OGDH: variants seen among roughly 807,000 people sequenced by gnomAD.
The protein encoded by OGDH is oxoglutarate dehydrogenase, also known as 2-oxoglutarate dehydrogenase complex component E1.
Under a neutral mutation model 116.6 loss-of-function variants are expected in OGDH, and 38 were observed. That is an observed-to-expected ratio of 0.33 (90% CI 0.25 to 0.43). OGDH has a LOEUF of 0.43. OGDH is among the 20% of genes least tolerant of loss of function. The pLI is 1.00. For missense variants in OGDH, 825 were observed against 1,357.2 expected, an observed-to-expected ratio of 0.61 and a Z score of 6.16; for synonymous variants, 488 against 533.3, an observed-to-expected ratio of 0.92 and a Z score of 1.17.
At chr7:44,647,513 G>A in intron 3 of OGDH, 144 bp from the exon 4 acceptor site, 3 of 1,542,790 alleles carry the variant, frequency 1.9e-6, no homozygotes, top group Non-Finnish European at 2.6e-6. Flanking sequence ...TGATGCTCCA[G>A]TAACTGTTTC....
chr7:44,674,255 G>A (rs984788967), intron 6 of OGDH, among the ~76,000 whole-genome samples, 156 bp from the exon 7 acceptor site: 1 of 152,142 alleles, frequency 6.6e-6, no homozygotes, highest in Non-Finnish European at 1.5e-5. Flanking sequence ...GTGTTGGCCA[G>A]GCTGGTCTCG....
intron 6 of OGDH, 100 bp downstream of exon 6, chr7:44,674,041 GA>G: frequency 7.0e-7 from 1 of 1,423,632 alleles, no homozygotes; most frequent in Non-Finnish European, 9.7e-7. Context: ...GCCGAGGTGA[GA>G]GGGGGTTTGG....
At position 44,697,487 on chromosome 7, in the gene OGDH, C is replaced by T. The variant is rs781065314; in HGVS notation, c.2169C>T (p.Tyr723=). 18 of 1,613,992 alleles carry T rather than the reference C, an allele frequency of 1.1e-5. No homozygotes were observed. In the Admixed American group the frequency reaches 1.5e-4, roughly 13 times the overall value. ...YTVCNSSLSE[Y]GVLGFELGFA... is the part of the protein sequence containing the mutation. ...TGTGCAACAGCTCACTGTCTGAGTA[C>T]GGCGTGCTGGGTGAGTGCCTGGAGC... Residue 723 remains tyrosine, a synonymous_variant, in exon 16 of 23, where the codon TAC becomes TAT. Coordinates refer to ENST00000222673, the MANE Select transcript of OGDH (RefSeq NM_002541.4). This position sits in a 1 kb window ranked among gnomAD's most constrained non-coding sequence, Gnocchi z 6.0.
At chr7:44,642,151 C>T (rs891101546) in intron 2 of OGDH, among the ~76,000 whole-genome samples, 9 of 152,158 alleles carry the variant, frequency 5.9e-5, no homozygotes, top group African/African-American at 1.9e-4. Context: ...GATGGTGGCT[C>T]ATGCCTATAA....
rs1262540514 is a variant in OGDH, at chr7:44,701,834, G to C, written c.2632+219G>C. Among the ~76,000 whole-genome samples, 3 of 152,194 alleles carry C rather than the reference G, an allele frequency of 2.0e-5. No homozygotes were observed. The East Asian group carries it at 5.8e-4, about 29-fold the overall frequency. The stretch of plus-strand genomic sequence containing the variant: ...GAGGCAGGCAGATCATCTGAGGTCA[G>C]GAGTTCGAGGGCAGATCACCTGAGG... On this transcript the variant is annotated intron_variant, in intron 20 of 22. Transcript: ENST00000222673.
chr7:44,626,155 G>A (rs1250014891), intron 2 of OGDH, among the ~76,000 whole-genome samples: 1 of 152,150 alleles, frequency 6.6e-6, no homozygotes, highest in African/African-American at 2.4e-5. Context: ...CTGGTTTTCT[G>A]TAAGAAATCT....
rs893494974 is a variant in OGDH at position 44,615,796 on chromosome 7, T to C, written c.-27-8521T>C. On this transcript the variant is annotated intron_variant, in intron 1 of 22. Coordinates refer to ENST00000222673, the MANE Select transcript of OGDH (RefSeq NM_002541.4). Reference sequence around the variant, plus strand: ...GCTCATACCTGTAATCCTAGCACTTTGGGAGTCTGACACTTGAGGTCAGGA... The same window carrying C: ...GCTCATACCTGTAATCCTAGCACTTCGGGAGTCTGACACTTGAGGTCAGGA... Among the ~76,000 whole-genome samples, 9 of 152,038 alleles carry C rather than the reference T, an allele frequency of 5.9e-5. No individual in the cohort carries two copies. In the East Asian group the frequency reaches 1.5e-3, roughly 26 times the overall value.
At chr7:44,700,616 C>T (rs1381648661) in intron 19 of OGDH, among the ~76,000 whole-genome samples, 1 of 152,188 alleles carries the variant, frequency 6.6e-6, no homozygotes, top group Non-Finnish European at 1.5e-5. Flanking sequence ...TGAGCCCTGG[C>T]AGAGGCCAAG....
intron 1 of OGDH, among the ~76,000 whole-genome samples, chr7:44,622,023 G>A (rs1456263242): frequency 1.3e-5 from 2 of 152,150 alleles, no homozygotes; most frequent in Non-Finnish European, 2.9e-5. Flanking sequence ...TGAAATTGGT[G>A]TTTTACGATT....
chr7:44,694,030 C>T lies in OGDH; in HGVS notation c.1515+26C>T. ...GTGAGTGACTCTGGGGACAGCACGT[C>T]CTGGGCAGAGCATCTGACCCACCCC... On this transcript the variant is annotated intron_variant, in intron 11 of 22. Transcript: ENST00000222673. The surrounding 1 kb of genome is among the most constrained non-coding windows in gnomAD (Gnocchi z 4.2). 5 of 1,594,406 alleles carry T rather than the reference C, an allele frequency of 3.1e-6. No homozygotes were observed. The highest frequency in any genetic ancestry group is 4.3e-6 in the Non-Finnish European group (5 of 1,166,018).
At chr7:44,671,374 C>T (rs1041643444) in intron 5 of OGDH, among the ~76,000 whole-genome samples, 5 of 152,306 alleles carry the variant, frequency 3.3e-5, no homozygotes, top group African/African-American at 1.2e-4. Context: ...GAGGGATCCA[C>T]CCTCACAAAC....
At chr7:44,698,167 CTG>C (rs772038914) in intron 17 of OGDH, 23 bp from the exon 18 acceptor site, 3 of 1,613,742 alleles carry the variant, frequency 1.9e-6, no homozygotes, top group Non-Finnish European at 2.5e-6. Context: ...AGCTCTTAAA[CTG>C]TAACTTGCGT....
chr7:44,696,114 C>T lies in OGDH; in HGVS notation c.1758C>T (p.Asp586=). The change falls in exon 13 of 23, where the codon GAC becomes GAT. Residue 586 remains aspartate (D), a synonymous_variant. Coordinates refer to ENST00000222673, the MANE Select transcript of OGDH (RefSeq NM_002541.4). ...EKILHIKHWL[D]SPWPGFFTLD... ...TCTTGCACATTAAGCACTGGCTGGA[C>T]TCTCCCTGGCCTGGTGAGTGAAGAA... 6.2e-7 allele frequency: 1 copy of T among 1,606,216 alleles called. No individual in the cohort carries two copies. The highest frequency in any genetic ancestry group is 8.5e-7 in the Non-Finnish European group (1 of 1,172,842).
intron 1 of OGDH, among the ~76,000 whole-genome samples, chr7:44,623,249 C>T (rs1359543796): frequency 1.3e-5 from 2 of 152,104 alleles, no homozygotes; most frequent in Non-Finnish European, 2.9e-5. Context: ...GTCTTCCCTC[C>T]TTCCCATCCA....
At chr7:44,609,437 G>A (rs1440110632) in intron 1 of OGDH, among the ~76,000 whole-genome samples, 1 of 151,276 alleles carries the variant, frequency 6.6e-6, no homozygotes, top group Non-Finnish European at 1.5e-5. Flanking sequence ...TTGAGCCTAG[G>A]CTGTGGTGGC....
chr7:44,610,504 G>A lies in OGDH; in HGVS notation c.-28+3851G>A, dbSNP rs146344265. 2.2e-4 allele frequency among the ~76,000 whole-genome samples: 34 copies of A among 152,030 alleles called. 1 individual carries two copies. In the East Asian group the frequency reaches 5.8e-3, roughly 26 times the overall value. Reference sequence around the variant, plus strand: ...TTTTTAGTAGAGACGGGGTTTCACCGTGTTGGTCAGGCTGGTCTCGAACTC... The same window carrying A: ...TTTTTAGTAGAGACGGGGTTTCACCATGTTGGTCAGGCTGGTCTCGAACTC... On this transcript the variant is annotated intron_variant, in intron 1 of 22. Coordinates refer to ENST00000222673, the MANE Select transcript of OGDH (RefSeq NM_002541.4).
intron 4 of OGDH, chr7:44,656,234 TTGG>T: frequency 7.6e-7 from 1 of 1,319,562 alleles, no homozygotes; most frequent in Non-Finnish European, 1.1e-6. Context: ...GTGTAGGGTT[TTGG>T]TGTTTGGGTC....
intron 2 of OGDH, among the ~76,000 whole-genome samples, chr7:44,632,419 C>A (rs1415578900): frequency 6.6e-6 from 1 of 152,234 alleles, no homozygotes; most frequent in East Asian, 1.9e-4. Context: ...CCCCACGCCT[C>A]AGCTTCCTGA....
intron 20 of OGDH, among the ~76,000 whole-genome samples, chr7:44,703,325 T>C (rs1477987171): frequency 6.6e-6 from 1 of 152,082 alleles, no homozygotes; most frequent in East Asian, 1.9e-4. Flanking sequence ...GGAGAATTGC[T>C]TGAACCCGGG....
Sources: allele counts gnomAD v4.1 joint callset (sites outside exome capture counted in the v4.1 genomes callset), GRCh38; gene constraint gnomAD v4.1.1; non-coding constraint Gnocchi (gnomAD v3.1); transcripts MANE v1.5; gene names NCBI Gene and HGNC (gene_info 2026-07-23, HGNC 2026-07-21).